CNTNAP2: variants seen among roughly 807,000 people sequenced by gnomAD.
CNTNAP2 encodes contactin-associated protein-like 2.
In CNTNAP2, 98 loss-of-function variants were observed where a neutral mutation model predicts 155.2. That is an observed-to-expected ratio of 0.63 (90% CI 0.54 to 0.75). CNTNAP2 has a LOEUF of 0.75. Among genes scored for constraint, CNTNAP2 ranks in the 30% least tolerant of loss-of-function variants. The pLI, the probability that CNTNAP2 is intolerant of heterozygous loss-of-function variation, is 0.00. For missense variants in CNTNAP2, 1,727 were observed against 1,688.1 expected, an observed-to-expected ratio of 1.02 and a Z score of -0.40; for synonymous variants, 651 against 631.2, an observed-to-expected ratio of 1.03 and a Z score of -0.47.
chr7:148,340,826 C>CT (rs1798216683), intron 21 of CNTNAP2, among the ~76,000 whole-genome samples: 3 of 152,298 alleles, frequency 2.0e-5, no homozygotes, highest in Admixed American at 2.0e-4. Flanking sequence ...ATGAGAGAGA[C>CT]TAAGAGAGAA....
intron 3 of CNTNAP2, among the ~76,000 whole-genome samples, chr7:146,927,531 A>AATACAATATACAATTTGTATAAAGAT (rs530532580): frequency 0.015 from 2,209 of 151,410 alleles, 65 homozygotes; most frequent in African/African-American, 0.05. Context: ...TTTTTGTGTA[A>AATACAATATACAATTTGTATAAAGAT]ATACAATATA....
chr7:147,791,331 A>G (rs1004973562), intron 13 of CNTNAP2, among the ~76,000 whole-genome samples: 1 of 151,994 alleles, frequency 6.6e-6, no homozygotes, highest in Non-Finnish European at 1.5e-5. Flanking sequence ...GGGAGCTTCT[A>G]GACCTTCTTT....
At chr7:147,325,582 T>A (rs1238141418) in intron 9 of CNTNAP2, among the ~76,000 whole-genome samples, 1 of 152,208 alleles carries the variant, frequency 6.6e-6, no homozygotes, top group Non-Finnish European at 1.5e-5. Context: ...TATTGCTGTA[T>A]AATTATTGAT....
chr7:146,422,045 T>A (rs1159094330), intron 1 of CNTNAP2, among the ~76,000 whole-genome samples: 2 of 150,774 alleles, frequency 1.3e-5, no homozygotes, highest in Non-Finnish European at 3.0e-5. Flanking sequence ...ATATGGGTAA[T>A]TTTTTTTTAG....
chr7:146,461,813 A>G (rs1796641585), intron 1 of CNTNAP2, among the ~76,000 whole-genome samples: 1 of 152,242 alleles, frequency 6.6e-6, no homozygotes, highest in African/African-American at 2.4e-5. Flanking sequence ...ATGCTTTCAC[A>G]TAATCATTTG....
intron 18 of CNTNAP2, among the ~76,000 whole-genome samples, chr7:148,179,548 G>GGAGAGAGGGA (rs1239503224): frequency 6.8e-6 from 1 of 147,908 alleles, no homozygotes; most frequent in African/African-American, 2.5e-5. Flanking sequence ...AGTGAGAGAG[G>GGAGAGAGGGA]GAGAGAGGGA....
At chr7:147,755,852 C>T (rs1314816887) in intron 13 of CNTNAP2, among the ~76,000 whole-genome samples, 2 of 152,126 alleles carry the variant, frequency 1.3e-5, no homozygotes, top group South Asian at 2.1e-4. Context: ...TTCCACTCGA[C>T]CCTTCAAATT....
chr7:148,293,789 C>T (rs930391837), intron 21 of CNTNAP2, among the ~76,000 whole-genome samples: 6 of 152,104 alleles, frequency 3.9e-5, no homozygotes, highest in Non-Finnish European at 8.8e-5. Context: ...AATCCCAGCA[C>T]TTTGGGAGGT....
At chr7:146,288,455 T>A (rs1015467124) in intron 1 of CNTNAP2, among the ~76,000 whole-genome samples, 35 of 152,308 alleles carry the variant, frequency 2.3e-4, no homozygotes, top group Middle Eastern at 3.4e-3. Context: ...ACTGTGACTT[T>A]AAGTGAAAGG....
intron 3 of CNTNAP2, among the ~76,000 whole-genome samples, chr7:146,931,180 T>G (rs2129222910): frequency 6.6e-6 from 1 of 152,064 alleles, no homozygotes; most frequent in Non-Finnish European, 1.5e-5. Context: ...GACCACATAG[T>G]TGGAAGTAAA....
intron 2 of CNTNAP2, among the ~76,000 whole-genome samples, chr7:146,826,616 G>T (rs1177517448): frequency 1.3e-5 from 2 of 151,982 alleles, no homozygotes; most frequent in Non-Finnish European, 2.9e-5. Context: ...TTCACAGGAG[G>T]GGATGTGCTA....
intron 10 of CNTNAP2, among the ~76,000 whole-genome samples, chr7:147,421,708 A>G (rs1350069073): frequency 2.0e-5 from 3 of 151,864 alleles, no homozygotes; most frequent in African/African-American, 7.3e-5. Flanking sequence ...TTAAAATGTT[A>G]TCAATGGGGC....
Position 148,413,836 on chromosome 7 carries a change from T to A in CNTNAP2, c.3797-1581T>A, listed in dbSNP as rs200845388. On this transcript the variant is annotated intron_variant, in intron 23 of 23. Transcript: ENST00000361727. ...ATTATGAAATGTTCTTCATTTCTAC[T>A]AACAACCTTGTCCTTTGTCTCATAT... 3.3e-5 allele frequency among the ~76,000 whole-genome samples: 5 copies of A among 151,430 alleles called. No individual in the cohort carries two copies. The South Asian group carries it at 1.0e-3, about 32-fold the overall frequency.
intron 1 of CNTNAP2, among the ~76,000 whole-genome samples, chr7:146,621,392 T>G (rs1339080771): frequency 6.6e-6 from 1 of 152,196 alleles, no homozygotes; most frequent in Non-Finnish European, 1.5e-5. Context: ...TTACCTTTAG[T>G]CCTTGGCTTT....
At chr7:146,376,861 T>A (rs886450786) in intron 1 of CNTNAP2, among the ~76,000 whole-genome samples, 1 of 152,088 alleles carries the variant, frequency 6.6e-6, no homozygotes, top group African/African-American at 2.4e-5. Context: ...CTTTTGCCCT[T>A]CTGCCTTTTC....
intron 14 of CNTNAP2, among the ~76,000 whole-genome samples, chr7:147,951,688 T>A (rs991193853): frequency 2.0e-5 from 3 of 151,438 alleles, no homozygotes; most frequent in Non-Finnish European, 4.4e-5. Context: ...TAGAGCAGCA[T>A]GTATCTTAAA....
At chr7:146,396,400 G>A (rs945816995) in intron 1 of CNTNAP2, among the ~76,000 whole-genome samples, 1 of 151,770 alleles carries the variant, frequency 6.6e-6, no homozygotes, top group South Asian at 2.1e-4. Flanking sequence ...ATTTTTAAAC[G>A]AATCTTATGG....
rs1014911295 is a variant in CNTNAP2, at chr7:147,395,799, C to T, written c.1670+19C>T. 8 of 1,610,840 alleles carry T rather than the reference C, an allele frequency of 5.0e-6. No individual in the cohort carries two copies. Among genetic ancestry groups the T allele is most frequent in the East Asian group, 2.2e-5 (1 of 44,818 alleles). ...TAGACAGGTAAATGATCTTTTCATCCTACCTCACGTTGTCCAAACTTTCCA... is the reference window on the plus strand; with the variant it reads ...TAGACAGGTAAATGATCTTTTCATCTTACCTCACGTTGTCCAAACTTTCCA... On this transcript the variant is annotated intron_variant, in intron 10 of 23. Transcript: ENST00000361727.
At chr7:148,131,440 C>A (rs983592315) in intron 16 of CNTNAP2, among the ~76,000 whole-genome samples, 1 of 152,080 alleles carries the variant, frequency 6.6e-6, no homozygotes, top group Non-Finnish European at 1.5e-5. Context: ...TTCATGAAAC[C>A]TTTCCCTTCT....
Sources: allele counts gnomAD v4.1 joint callset (sites outside exome capture counted in the v4.1 genomes callset), GRCh38; gene constraint gnomAD v4.1.1; transcripts MANE v1.5; gene names NCBI Gene and HGNC (gene_info 2026-07-23, HGNC 2026-07-21).